The following RYR2 variants were observed in gnomAD, a reference collection of about 807,000 sequenced individuals.
The protein encoded by RYR2 is ryanodine receptor 2.
Under a neutral mutation model 601.1 loss-of-function variants are expected in RYR2, and 227 were observed. The ratio of observed to expected loss-of-function variants is 0.38; its 90% CI spans 0.34 to 0.42. The LOEUF is 0.42. RYR2 is among the 10% of genes least tolerant of loss of function. The pLI, the probability that RYR2 is intolerant of heterozygous loss-of-function variation, is 1.00. For synonymous variants in RYR2, 2,223 were observed against 2,175.1 expected (o/e 1.02, Z -0.61); for missense variants, 4,646 against 6,156.5 (o/e 0.75, Z 8.21).
At chr1:237,801,568 G>T (rs1659977413) in intron 97 of RYR2, among the ~76,000 whole-genome samples, 1 of 150,026 alleles carries the variant, frequency 6.7e-6, no homozygotes, top group Non-Finnish European at 1.5e-5. Flanking sequence ...TGTTAATACT[G>T]AATGTAGGAA....
chr1:237,521,725 G>GA (rs11399117), intron 24 of RYR2, among the ~76,000 whole-genome samples: 35,465 of 142,406 alleles, frequency 0.25, 4,598 homozygotes, highest in South Asian at 0.4. Flanking sequence ...ATCTCAAAAA[G>GA]AAAAAAAAAA....
intron 1 of RYR2, among the ~76,000 whole-genome samples, chr1:237,189,031 A>G (rs1298417006): frequency 6.6e-6 from 1 of 152,132 alleles, no homozygotes; most frequent in African/African-American, 2.4e-5. Context: ...CCCATTTAAT[A>G]CTAATTTTCC....
chr1:237,502,943 G>A (rs1049018247), intron 21 of RYR2, among the ~76,000 whole-genome samples: 9 of 151,780 alleles, frequency 5.9e-5, no homozygotes, highest in African/African-American at 2.2e-4. Context: ...TTATCTTTCG[G>A]TACTTTGGGA....
At chr1:237,726,965 G>C in intron 75 of RYR2, 122 bp from the exon 76 acceptor site, 1 of 578,644 alleles carries the variant, frequency 1.7e-6, no homozygotes, top group South Asian at 2.5e-5. Context: ...TCCAAATATA[G>C]ATTACTTAAG....
chr1:237,315,521 T>TA (rs1382718476), intron 2 of RYR2, among the ~76,000 whole-genome samples: 4 of 152,196 alleles, frequency 2.6e-5, no homozygotes, highest in Admixed American at 1.3e-4. Context: ...AATGAGATGA[T>TA]AAGTGTTGTC....
At chr1:237,650,420 T>C (rs1238591083) in intron 50 of RYR2, among the ~76,000 whole-genome samples, 1 of 152,004 alleles carries the variant, frequency 6.6e-6, no homozygotes. Flanking sequence ...GATGAATAGA[T>C]CTCCCCTTTT....
chr1:237,688,431 C>T (rs551730766), intron 63 of RYR2, among the ~76,000 whole-genome samples: 2 of 151,990 alleles, frequency 1.3e-5, no homozygotes, highest in Non-Finnish European at 2.9e-5. Flanking sequence ...TATATACACA[C>T]ACACACATAT....
At position 237,678,071 on chromosome 1, in the gene RYR2, G is replaced by A; in HGVS notation, c.8854G>A (p.Glu2952Lys). Reference sequence around the variant, plus strand: ...AGATGGTGGCAGCAGAGGCAAAGGAGAACATTTCCCTTATGAACAAGAAAT... The same window carrying A: ...AGATGGTGGCAGCAGAGGCAAAGGAAAACATTTCCCTTATGAACAAGAAAT... The part of the protein sequence containing the change: ...EFDGGSRGKG[E>K]HFPYEQEIKF... The change falls in exon 61 of 105, where the codon GAA becomes AAA. Residue 2952 changes from glutamate to lysine, a missense_variant. Glu to Lys is a moderately conservative substitution (Grantham distance 56, BLOSUM62 1). Transcript: ENST00000366574. The A allele has an allele frequency of 6.2e-7, 1 of 1,605,254 alleles. No homozygotes were observed. The highest frequency in any genetic ancestry group is 8.5e-7 in the Non-Finnish European group (1 of 1,173,148).
intron 70 of RYR2, 106 bp from the exon 71 acceptor site, chr1:237,711,639 T>G (rs1688851269): frequency 1.5e-6 from 1 of 656,136 alleles, no homozygotes; most frequent in South Asian, 1.8e-5. Flanking sequence ...TTCTTATATA[T>G]CAAATTAATA....
At chr1:237,065,062 A>G (rs1010377509) in intron 1 of RYR2, among the ~76,000 whole-genome samples, 9 of 152,114 alleles carry the variant, frequency 5.9e-5, no homozygotes, top group African/African-American at 2.2e-4. Context: ...AAATAATGAT[A>G]GAGTCACAGA....
At chr1:237,129,566 A>G (rs1449925735) in intron 1 of RYR2, among the ~76,000 whole-genome samples, 1 of 152,096 alleles carries the variant, frequency 6.6e-6, no homozygotes, top group Non-Finnish European at 1.5e-5. Context: ...TCTCTTCAGC[A>G]TGACACTTGC....
intron 1 of RYR2, 148 bp downstream of exon 1, chr1:237,042,717 C>A: frequency 1.4e-6 from 1 of 739,604 alleles, no homozygotes; most frequent in Non-Finnish European, 1.9e-6. Flanking sequence ...GCGGGCATCA[C>A]CAAGTGTGTG....
chr1:237,133,072 TC>T (rs1032890773), intron 1 of RYR2, among the ~76,000 whole-genome samples: 1 of 152,088 alleles, frequency 6.6e-6, no homozygotes. Context: ...AGTGAGGACT[TC>T]AGAGGAGACA....
chr1:237,805,317 A>T (rs1055654217), intron 98 of RYR2, among the ~76,000 whole-genome samples: 9 of 152,174 alleles, frequency 5.9e-5, no homozygotes, highest in Non-Finnish European at 1.3e-4. Context: ...GCAGTGGCTC[A>T]CGCCTGTAAT....
At chr1:237,139,943 T>G (rs1673206621) in intron 1 of RYR2, among the ~76,000 whole-genome samples, 1 of 152,206 alleles carries the variant, frequency 6.6e-6, no homozygotes, top group Non-Finnish European at 1.5e-5. Flanking sequence ...GAGTTAACAC[T>G]CAGTGATGTG....
intron 1 of RYR2, among the ~76,000 whole-genome samples, chr1:237,216,836 T>G (rs7521414): frequency 0.036 from 5,440 of 152,114 alleles, 256 homozygotes; most frequent in African/African-American, 0.11. Flanking sequence ...ATATAGGTAT[T>G]GCAATTTGAA....
chr1:237,556,880 CAAAAAA>C (rs869116177), intron 27 of RYR2, among the ~76,000 whole-genome samples: 9 of 77,834 alleles, frequency 1.2e-4, no homozygotes, highest in African/African-American at 4.4e-4. Flanking sequence ...TCCCTCCCAC[CAAAAAA>C]AAAAAAAAAA....
At chr1:237,697,217 G>C (rs2797434) in intron 63 of RYR2, among the ~76,000 whole-genome samples, 135,660 of 150,190 alleles carry the variant, frequency 0.9, 61,770 homozygotes, top group East Asian at 0.98. Context: ...CAGATACATG[G>C]ATGGTTTATT....
At chr1:237,429,055 C>T (rs1463210197) in intron 12 of RYR2, among the ~76,000 whole-genome samples, 4 of 151,980 alleles carry the variant, frequency 2.6e-5, no homozygotes, top group East Asian at 1.9e-4. Flanking sequence ...CTGACTTGAG[C>T]GGGACTGGGA....
Sources: allele counts gnomAD v4.1 joint callset (sites outside exome capture counted in the v4.1 genomes callset), GRCh38; gene constraint gnomAD v4.1.1; transcripts MANE v1.5; gene names NCBI Gene and HGNC (gene_info 2026-07-23, HGNC 2026-07-21).